The following MALT1 variants were observed in gnomAD, a reference collection of about 807,000 sequenced individuals.
The protein encoded by MALT1 is mucosa-associated lymphoid tissue lymphoma translocation protein 1.
Under a neutral mutation model 85.5 loss-of-function variants are expected in MALT1, and 36 were observed. The ratio of observed to expected loss-of-function variants is 0.42; its 90% CI spans 0.32 to 0.56. MALT1 has a LOEUF of 0.56. Ranked by LOEUF, MALT1 falls within the 20% of genes least tolerant of loss-of-function variation. The pLI is 0.10. For missense variants in MALT1, 716 were observed against 981.6 expected (o/e 0.73, Z 3.62); for synonymous variants, 359 against 361.3 (o/e 0.99, Z 0.07).
chr18:58,731,698 G>A (rs1462052645), intron 10 of MALT1, among the ~76,000 whole-genome samples: 4 of 152,130 alleles, frequency 2.6e-5, no homozygotes, highest in Non-Finnish European at 5.9e-5. Context: ...TACGTACATG[G>A]TGGTTGTCCC....
rs2144498664 is a variant in MALT1 at position 58,749,429 on chromosome 18, GCTT to G, written c.*1591_*1593del. The G allele has an allele frequency of 4.6e-6, 1 of 215,692 alleles. No homozygotes were observed. The highest frequency in any genetic ancestry group is 9.3e-6 in the Non-Finnish European group (1 of 107,134). The allele number at this position is 215,692 out of a possible 1,614,324, so 13.4% of individuals were successfully genotyped here. A position where few individuals can be genotyped will look rare whatever the true frequency, so the allele number is the denominator to read the frequency against. On this transcript the variant is annotated 3_prime_UTR_variant, in exon 17 of 17. Transcript: ENST00000649217. ...CCATCCAGCTGGCCCCGGAGCCAGA[GCTT>G]CTTGTACTACACAGAATTGCCCCTG...
intron 15 of MALT1, among the ~76,000 whole-genome samples, chr18:58,744,743 G>A (rs1012548448): frequency 2.6e-5 from 4 of 152,118 alleles, no homozygotes; most frequent in East Asian, 1.9e-4. Flanking sequence ...TCCTAAACAC[G>A]AGAGCCAATG....
rs2055008048 is a variant in MALT1, at chr18:58,723,187, T to C, written c.1158T>C (p.Leu386=). 1 of 1,614,110 alleles carries C rather than the reference T, an allele frequency of 6.2e-7. No homozygotes were observed. The highest frequency in any genetic ancestry group is 8.5e-7 in the Non-Finnish European group (1 of 1,179,950). The part of the protein sequence containing the change: ...LDFKVVSLLD[L]TEYEMRNAVD... ...TCAAAGTGGTTTCACTGTTGGATCT[T>C]ACTGAATATGAGATGCGTAATGCTG... The change falls in exon 10 of 17, where the codon CTT becomes CTC. Residue 386 remains leucine (L), a synonymous_variant. Coordinates refer to ENST00000649217, the MANE Select transcript of MALT1 (RefSeq NM_006785.4).
At position 58,727,616 on chromosome 18, in the gene MALT1, G is replaced by GTTTTTTTTTTTTTTTTTTT. The variant is rs751434443; in HGVS notation, c.1222+4376_1222+4377insTTTTTTTTTTTTTTTTTTT. Among the ~76,000 whole-genome samples, 191 of 121,194 alleles carry GTTTTTTTTTTTTTTTTTTT rather than the reference G, an allele frequency of 1.6e-3. 7 individuals carry two copies. Among genetic ancestry groups the GTTTTTTTTTTTTTTTTTTT allele is most frequent in the Non-Finnish European group, 1.9e-3 (110 of 59,272 alleles). 79.5% of individuals were successfully genotyped at this position (121,194 alleles called of 152,430 possible). Reference sequence around the variant, plus strand: ...ACCCAGCCTGCCAAAGGTTTTTTGTGTTTTTTTTTTTGTTTTTTTTTTTTT... The same window carrying GTTTTTTTTTTTTTTTTTTT: ...ACCCAGCCTGCCAAAGGTTTTTTGTGTTTTTTTTTTTTTTTTTTTTTTTTTTTTTTGTTTTTTTTTTTTT... On this transcript the variant is annotated intron_variant, in intron 10 of 16. Transcript: ENST00000649217.
intron 2 of MALT1, among the ~76,000 whole-genome samples, chr18:58,682,760 C>T (rs2054340831): frequency 6.6e-6 from 1 of 152,094 alleles, no homozygotes; most frequent in Non-Finnish European, 1.5e-5. Flanking sequence ...GGGGAGGTAA[C>T]CAAAAAGTTT....
Position 58,748,847 on chromosome 18 carries a change from A to T in MALT1, c.*1005A>T, listed in dbSNP as rs2055409164. The T allele has an allele frequency of 4.9e-6, 1 of 204,832 alleles. No individual in the cohort carries two copies. The highest frequency in any genetic ancestry group is 1.0e-5 in the Non-Finnish European group (1 of 100,118). The allele number at this position is 204,832 out of a possible 1,614,324, so 12.7% of individuals were successfully genotyped here. A position where few individuals can be genotyped will look rare whatever the true frequency, so the allele number is the denominator to read the frequency against. On this transcript the variant is annotated 3_prime_UTR_variant, in exon 17 of 17. Coordinates refer to ENST00000649217, the MANE Select transcript of MALT1 (RefSeq NM_006785.4). ...TGGCTGCATTGTTGAATTCTGCCAA[A>T]CATTAAAATTAGCACTAATTTTTTG...
intron 10 of MALT1, among the ~76,000 whole-genome samples, chr18:58,732,903 A>AATGT (rs1555688835): frequency 1.3e-5 from 2 of 149,580 alleles, no homozygotes; most frequent in Non-Finnish European, 2.9e-5. Context: ...GACTGTTGGT[A>AATGT]ATTTATTTAT....
At chr18:58,689,464 A>G (rs9944760) in intron 2 of MALT1, among the ~76,000 whole-genome samples, 18,151 of 152,228 alleles carry the variant, frequency 0.12, 1,656 homozygotes, top group African/African-American at 0.26. Flanking sequence ...TTATTATTAT[A>G]TATATTCAAC....
In MALT1 at chr18:58,754,380, G is replaced by A. The variant is rs1032876715; in HGVS notation, c.*6538G>A. The A allele has an allele frequency of 6.6e-6, 1 of 152,214 alleles. No homozygotes were observed. Among genetic ancestry groups the A allele is most frequent in the Non-Finnish European group, 1.5e-5 (1 of 68,044 alleles). 9.4% of individuals were successfully genotyped at this position (152,214 alleles called of 1,614,324 possible). On this transcript the variant is annotated 3_prime_UTR_variant, in exon 17 of 17. Transcript: ENST00000649217. Reference sequence around the variant, plus strand: ...AAAACATTTCCAAAGGATTTGACCTGAAGTTAATGTTGCTACATTATGCTC... The same window carrying A: ...AAAACATTTCCAAAGGATTTGACCTAAAGTTAATGTTGCTACATTATGCTC...
At chr18:58,708,023 T>G (rs1226587818) in intron 4 of MALT1, among the ~76,000 whole-genome samples, 1 of 152,196 alleles carries the variant, frequency 6.6e-6, no homozygotes, top group Non-Finnish European at 1.5e-5. Context: ...ACCCCACCCT[T>G]GTCTCTTCTA....
chr18:58,709,250 T>A (rs1272474801), intron 4 of MALT1, 128 bp from the exon 5 acceptor site: 2 of 593,818 alleles, frequency 3.4e-6, no homozygotes, highest in Non-Finnish European at 5.5e-6. Flanking sequence ...ATAGTTTTTT[T>A]AAACAGTTTG....
Position 58,725,142 on chromosome 18 carries a change from AAT to A in MALT1, c.1222+1893_1222+1894del, listed in dbSNP as rs1348902450. 1.6e-3 allele frequency among the ~76,000 whole-genome samples: 240 copies of A among 151,614 alleles called. 1 individual carries two copies. The highest frequency in any genetic ancestry group is 5.1e-3 in the African/African-American group (212 of 41,360). ...AAGACTCCGTCTCAAAAAAAAAAAA[AAT>A]AGAATAAAATAAAATAAAAACACGA... On this transcript the variant is annotated intron_variant, in intron 10 of 16. Coordinates refer to ENST00000649217, the MANE Select transcript of MALT1 (RefSeq NM_006785.4).
At chr18:58,715,777 A>G (rs1490753954) in intron 8 of MALT1, among the ~76,000 whole-genome samples, 158 bp from the exon 9 acceptor site, 1 of 152,196 alleles carries the variant, frequency 6.6e-6, no homozygotes, top group South Asian at 2.1e-4. Context: ...GAACACCACC[A>G]TCGTTTTTTT....
chr18:58,726,011 A>G lies in MALT1; in HGVS notation c.1222+2760A>G, dbSNP rs995068902. Reference sequence around the variant, plus strand: ...GGGAGGGGGAGGTTGCAGTGAGCCAAGATCATGCCACTGCACTCCAGCCTG... The same window carrying G: ...GGGAGGGGGAGGTTGCAGTGAGCCAGGATCATGCCACTGCACTCCAGCCTG... On this transcript the variant is annotated intron_variant, in intron 10 of 16. Coordinates refer to ENST00000649217, the MANE Select transcript of MALT1 (RefSeq NM_006785.4). Among the ~76,000 whole-genome samples the G allele has an allele frequency of 7.2e-5, 11 of 152,322 alleles. 1 individual carries two copies. The highest frequency in any genetic ancestry group is 4.1e-4 in the South Asian group (2 of 4,828).
At chr18:58,707,488 CATAGGT>C (rs1568137683) in intron 4 of MALT1, among the ~76,000 whole-genome samples, 1 of 151,360 alleles carries the variant, frequency 6.6e-6, no homozygotes, top group African/African-American at 2.4e-5. Context: ...AGGTTTGTTA[CATAGGT>C]ATACACATGC....
intron 3 of MALT1, among the ~76,000 whole-genome samples, chr18:58,699,371 G>C (rs911591064): frequency 1.3e-5 from 2 of 152,302 alleles, no homozygotes; most frequent in African/African-American, 4.8e-5. Flanking sequence ...TCAGGCAGTT[G>C]TAAGTGCAGC....
chr18:58,715,178 C>T (rs2054881989), intron 8 of MALT1, among the ~76,000 whole-genome samples: 2 of 152,090 alleles, frequency 1.3e-5, no homozygotes, highest in Non-Finnish European at 2.9e-5. Flanking sequence ...GATAGAATCC[C>T]CTTTCCTAAA....
chr18:58,692,431 T>A (rs1160973702), intron 2 of MALT1, among the ~76,000 whole-genome samples: 2 of 81,602 alleles, frequency 2.5e-5, no homozygotes, highest in Non-Finnish European at 5.0e-5. Context: ...TCTCTCTCTC[T>A]CTCTCACTCT....
chr18:58,740,286 G>A (rs547195352), intron 13 of MALT1, among the ~76,000 whole-genome samples: 5 of 152,150 alleles, frequency 3.3e-5, no homozygotes, highest in African/African-American at 1.2e-4. Context: ...ACCAATCTTT[G>A]ACTCTGTTGA....
Sources: gnomAD v4.1 joint callset for allele counts (sites outside exome capture counted in the v4.1 genomes callset) on GRCh38, gnomAD v4.1.1 for gene constraint, MANE v1.5 for transcripts, NCBI Gene and HGNC (gene_info 2026-07-23, HGNC 2026-07-21) for gene names.